Variants in THRB observed in about 807,000 individuals in gnomAD.
THRB encodes the protein nuclear receptor subfamily 1 group A member 2.
In THRB, 12 loss-of-function variants were observed where a neutral mutation model predicts 47.8. That is an observed-to-expected ratio of 0.25 (90% confidence interval 0.16 to 0.41). The LOEUF (loss-of-function observed/expected upper bound fraction) is 0.41, where lower values mean the gene tolerates loss of function less well. THRB is among the 10% of genes least tolerant of loss of function. THRB has a pLI of 1.00. For missense variants in THRB, 348 were observed against 589.2 expected (o/e 0.59, Z 4.24); for synonymous variants, 218 against 212.2 (o/e 1.03, Z -0.24).
At chr3:24,229,112 C>G in intron 3 of THRB, 111 bp from the exon 4 acceptor site, 1 of 719,048 alleles carries the variant, frequency 1.4e-6, no homozygotes, top group East Asian at 2.7e-5. Context: ...ATATTTGTTA[C>G]TCTCAACTCA....
At chr3:24,380,871 C>T (rs1012518234) in intron 1 of THRB, among the ~76,000 whole-genome samples, 3 of 152,258 alleles carry the variant, frequency 2.0e-5, no homozygotes, top group African/African-American at 7.2e-5. Flanking sequence ...AATCCCAACA[C>T]TTTGGAAAGC....
At chr3:24,450,665 A>G (rs1405369102) in intron 1 of THRB, among the ~76,000 whole-genome samples, 2 of 152,240 alleles carry the variant, frequency 1.3e-5, no homozygotes, top group Non-Finnish European at 1.5e-5. Flanking sequence ...AACCAGGTGT[A>G]GGTAAACCAG....
chr3:24,234,647 T>A (rs1177816644), intron 3 of THRB, among the ~76,000 whole-genome samples: 1 of 152,178 alleles, frequency 6.6e-6, no homozygotes, highest in Non-Finnish European at 1.5e-5. Flanking sequence ...AGAACCAACC[T>A]GTAACTCAGG....
intron 5 of THRB, among the ~76,000 whole-genome samples, chr3:24,187,171 C>T (rs2042699073): frequency 6.6e-6 from 1 of 152,032 alleles, no homozygotes; most frequent in South Asian, 2.1e-4. Context: ...TTTGACAATC[C>T]CCAACTAACT....
At chr3:24,215,671 C>G (rs927373642) in intron 4 of THRB, among the ~76,000 whole-genome samples, 1 of 152,212 alleles carries the variant, frequency 6.6e-6, no homozygotes, top group African/African-American at 2.4e-5. Flanking sequence ...CTGCATACTC[C>G]TAACTTCCTG....
rs141171025 is a variant in THRB, at chr3:24,203,693, C to A, written c.23-13359G>T. ...TGGGTGCAGCCCACTGAGTGTGAGCCGAAGCAGGGCAAGGCATCACCTCAC... is the reference window on the plus strand; with the variant it reads ...TGGGTGCAGCCCACTGAGTGTGAGCAGAAGCAGGGCAAGGCATCACCTCAC... On this transcript the variant is annotated intron_variant, in intron 4 of 10. Transcript: ENST00000646209. Among the ~76,000 whole-genome samples, 734 of 152,240 alleles carry A rather than the reference C, an allele frequency of 4.8e-3. 4 individuals are homozygous for A. The highest frequency in any genetic ancestry group is 0.02 in the Middle Eastern group (6 of 294).
At chr3:24,192,100 C>T (rs2043425602) in intron 4 of THRB, among the ~76,000 whole-genome samples, 1 of 152,148 alleles carries the variant, frequency 6.6e-6, no homozygotes, top group Non-Finnish European at 1.5e-5. Flanking sequence ...AAGGTGTGGA[C>T]TTCTACCACT....
At chr3:24,160,808 G>A (rs1385929266) in intron 5 of THRB, among the ~76,000 whole-genome samples, 2 of 152,188 alleles carry the variant, frequency 1.3e-5, no homozygotes, top group East Asian at 1.9e-4. Flanking sequence ...AGTATCCATG[G>A]AGGCATGTGA....
At chr3:24,248,130 G>T (rs1263899962) in intron 3 of THRB, among the ~76,000 whole-genome samples, 2 of 152,052 alleles carry the variant, frequency 1.3e-5, no homozygotes, top group African/African-American at 4.8e-5. Flanking sequence ...AATAATCAGT[G>T]CTCCATTTGA....
intron 5 of THRB, among the ~76,000 whole-genome samples, chr3:24,153,478 AG>A (rs1224072229): frequency 6.6e-6 from 1 of 152,236 alleles, no homozygotes; most frequent in East Asian, 1.9e-4. Flanking sequence ...GTGAAATGAC[AG>A]AGGTTTTGTT....
rs559325556 is a variant in THRB, at chr3:24,118,973, G to GTTTTTTTTT, written c.*3902_*3910dup. 2.0e-5 allele frequency: 1 copy of GTTTTTTTTT among 49,530 alleles called. No individual in the cohort carries two copies. The highest frequency in any genetic ancestry group is 4.1e-5 in the Non-Finnish European group (1 of 24,682). The allele number at this position is 49,530 out of a possible 1,614,324, so 3.1% of individuals were successfully genotyped here. A position where few individuals can be genotyped will look rare whatever the true frequency, so the allele number is the denominator to read the frequency against. Reference sequence around the variant, plus strand: ...GCCAAACCTTTTTTCCCCCAGTCTGGTTTTTTTTTTTTTTTTTTTTTTTTT... The same window carrying GTTTTTTTTT: ...GCCAAACCTTTTTTCCCCCAGTCTGGTTTTTTTTTTTTTTTTTTTTTTTTTTTTTTTTTT... On this transcript the variant is annotated 3_prime_UTR_variant, in exon 11 of 11. Coordinates refer to ENST00000646209, the MANE Select transcript of THRB (RefSeq NM_001354712.2).
chr3:24,390,784 T>TAAAAAA (rs33999392), intron 1 of THRB, among the ~76,000 whole-genome samples: 104 of 138,212 alleles, frequency 7.5e-4, no homozygotes, highest in Middle Eastern at 7.3e-3. Context: ...CTTTACTTTG[T>TAAAAAA]AAAAAAAAAA....
At chr3:24,275,079 T>G (rs1490146734) in intron 3 of THRB, among the ~76,000 whole-genome samples, 1 of 152,194 alleles carries the variant, frequency 6.6e-6, no homozygotes, top group Non-Finnish European at 1.5e-5. Context: ...CACGGCAGCT[T>G]GTTGAAACAG....
intron 5 of THRB, among the ~76,000 whole-genome samples, chr3:24,155,647 G>A (rs1242564364): frequency 6.6e-6 from 1 of 152,156 alleles, no homozygotes; most frequent in Non-Finnish European, 1.5e-5. Context: ...TTGTATTTTA[G>A]TGTCTCCATC....
At chr3:24,329,848 G>C (rs1264713800) in intron 2 of THRB, among the ~76,000 whole-genome samples, 1 of 151,984 alleles carries the variant, frequency 6.6e-6, no homozygotes, top group East Asian at 1.9e-4. Flanking sequence ...TGCATCACTG[G>C]GGAACTTGTT....
chr3:24,291,633 A>T (rs2055928098), intron 3 of THRB, among the ~76,000 whole-genome samples: 1 of 152,228 alleles, frequency 6.6e-6, no homozygotes, highest in Admixed American at 6.5e-5. Context: ...ATAAGAAAAA[A>T]GGTTTATACA....
chr3:24,269,401 G>GCA lies in THRB; in HGVS notation c.-43+27824_-43+27825insTG, dbSNP rs1352594962. 6.5e-3 allele frequency among the ~76,000 whole-genome samples: 296 copies of GCA among 45,640 alleles called. 1 individual carries two copies. Among genetic ancestry groups the GCA allele is most frequent in the Middle Eastern group, 0.011 (1 of 88 alleles). The allele number at this position is 45,640 out of a possible 152,430, so 29.9% of individuals were successfully genotyped here. On this transcript the variant is annotated intron_variant, in intron 3 of 10. Transcript: ENST00000646209. ...TCATAGCTCACACGCGCGCGCGCGC[G>GCA]CGCACACACACACACACACACACAC...
chr3:24,213,927 C>A (rs2046311258), intron 4 of THRB, among the ~76,000 whole-genome samples: 2 of 152,184 alleles, frequency 1.3e-5, no homozygotes, highest in South Asian at 4.1e-4. Flanking sequence ...ATTTGGCCTG[C>A]AGATATGGTC....
chr3:24,344,703 C>A (rs73825618), intron 1 of THRB, among the ~76,000 whole-genome samples: 3 of 146,496 alleles, frequency 2.0e-5, no homozygotes, highest in Non-Finnish European at 3.0e-5. Context: ...ATATATATAT[C>A]TCCGAAACAA....
Sources: gnomAD v4.1 joint callset for allele counts (sites outside exome capture counted in the v4.1 genomes callset) on GRCh38, gnomAD v4.1.1 for gene constraint, MANE v1.5 for transcripts, NCBI Gene and HGNC (gene_info 2026-07-23, HGNC 2026-07-21) for gene names.